Variants in DDR2 observed in about 807,000 individuals in gnomAD.
DDR2 encodes discoidin domain receptor tyrosine kinase 2, also known as discoidin domain-containing receptor 2.
In DDR2, 27 loss-of-function variants were observed where a neutral mutation model predicts 94.9. That is an observed-to-expected ratio of 0.28 (90% confidence interval 0.21 to 0.39). DDR2 has a LOEUF of 0.39. Ranked by LOEUF, DDR2 falls within the 10% of genes least tolerant of loss-of-function variation. The probability of loss-of-function intolerance (pLI) is 1.00; values close to 1 mark genes in which losing one functional copy is unlikely to be tolerated. For synonymous variants in DDR2, 382 were observed against 377.2 expected (o/e 1.01, Z -0.15); for missense variants, 783 against 1,076.0 (o/e 0.73, Z 3.81).
chr1:162,722,727 G>A (rs1661477263), intron 3 of DDR2, among the ~76,000 whole-genome samples: 1 of 152,220 alleles, frequency 6.6e-6, no homozygotes, highest in African/African-American at 2.4e-5. Context: ...GTGTGACAGT[G>A]AGGGAGTTGT....
chr1:162,740,339 T>C (rs1662528467), intron 3 of DDR2, among the ~76,000 whole-genome samples: 3 of 152,336 alleles, frequency 2.0e-5, no homozygotes, highest in South Asian at 2.1e-4. Flanking sequence ...GTTCATTACA[T>C]TGGAAAAGGA....
At chr1:162,722,415 C>CTGCAACAG (rs1360813407) in intron 3 of DDR2, among the ~76,000 whole-genome samples, 1 of 152,184 alleles carries the variant, frequency 6.6e-6, no homozygotes, top group Non-Finnish European at 1.5e-5. Context: ...TATCTTCCAG[C>CTGCAACAG]TGCAACAGTG....
intron 7 of DDR2, among the ~76,000 whole-genome samples, chr1:162,759,547 T>C (rs1447708316): frequency 6.6e-6 from 1 of 152,214 alleles, no homozygotes; most frequent in Non-Finnish European, 1.5e-5. Flanking sequence ...GTTTAAAAGT[T>C]TTACTACTAA....
intron 16 of DDR2, among the ~76,000 whole-genome samples, chr1:162,777,160 G>T (rs962062273): frequency 2.6e-5 from 4 of 151,944 alleles, no homozygotes; most frequent in Admixed American, 2.6e-4. Flanking sequence ...TTATTCCCTT[G>T]CACTCACCAG....
intron 3 of DDR2, among the ~76,000 whole-genome samples, chr1:162,727,802 TA>T (rs986496259): frequency 2.1e-4 from 31 of 148,570 alleles, no homozygotes; most frequent in African/African-American, 6.6e-4. Context: ...CTTAGGCTCA[TA>T]AAAAAACCTC....
chr1:162,754,323 A>G (rs1000067569), intron 4 of DDR2, among the ~76,000 whole-genome samples: 1 of 152,212 alleles, frequency 6.6e-6, no homozygotes, highest in Non-Finnish European at 1.5e-5. Flanking sequence ...TCATGCGGGA[A>G]CAGAGAGTAG....
intron 2 of DDR2, among the ~76,000 whole-genome samples, chr1:162,681,186 C>T (rs1030930049): frequency 3.9e-5 from 6 of 152,110 alleles, no homozygotes; most frequent in East Asian, 1.9e-4. Flanking sequence ...AGCTTGTTAA[C>T]GTGCACTGTA....
chr1:162,687,221 A>G (rs545521155), intron 2 of DDR2, among the ~76,000 whole-genome samples: 6 of 152,298 alleles, frequency 3.9e-5, no homozygotes, highest in African/African-American at 1.4e-4. Context: ...GTGGTAGAAG[A>G]AAGAGGAGGC....
chr1:162,728,696 C>CT (rs758797186), intron 3 of DDR2, among the ~76,000 whole-genome samples: 1 of 152,136 alleles, frequency 6.6e-6, no homozygotes, highest in East Asian at 1.9e-4. Flanking sequence ...ATAATCCTCC[C>CT]TGGGCTCTCT....
intron 2 of DDR2, among the ~76,000 whole-genome samples, chr1:162,658,449 G>A (rs1236045246): frequency 6.6e-6 from 1 of 152,110 alleles, no homozygotes; most frequent in Non-Finnish European, 1.5e-5. Context: ...GGCAAGCTCA[G>A]GATCAGTGTT....
At chr1:162,659,698 G>A (rs183442831) in intron 2 of DDR2, among the ~76,000 whole-genome samples, 30 of 152,226 alleles carry the variant, frequency 2.0e-4, no homozygotes, top group African/African-American at 3.1e-4. Context: ...TGTCCCTCTC[G>A]CTGAGTGTGA....
At chr1:162,779,189 C>A (rs1211130788) in intron 17 of DDR2, among the ~76,000 whole-genome samples, 1 of 152,150 alleles carries the variant, frequency 6.6e-6, no homozygotes, top group Non-Finnish European at 1.5e-5. Flanking sequence ...GCAGATATAT[C>A]CTAAACTTGT....
chr1:162,639,482 G>C (rs1657014872), intron 1 of DDR2, among the ~76,000 whole-genome samples: 1 of 152,096 alleles, frequency 6.6e-6, no homozygotes, highest in African/African-American at 2.4e-5. Context: ...CTTCACAAAA[G>C]CAACTCAAAG....
intron 3 of DDR2, among the ~76,000 whole-genome samples, chr1:162,744,175 C>A (rs1662740631): frequency 6.6e-6 from 1 of 152,116 alleles, no homozygotes; most frequent in South Asian, 2.1e-4. Flanking sequence ...TTTAATGAGA[C>A]CTGCTCTCTG....
In DDR2 at chr1:162,780,216, C is replaced by T. The variant is rs770832677; in HGVS notation, c.2538C>T (p.His846=). Reference sequence around the variant, plus strand: ...ACCGTCCCTCATTCCAAGAAATCCACCTTCTGCTCCTTCAACAAGGCGACG... The same window carrying T: ...ACCGTCCCTCATTCCAAGAAATCCATCTTCTGCTCCTTCAACAAGGCGACG... ...TKNRPSFQEI[H]LLLLQQGDE Residue 846 remains histidine (H), a synonymous_variant, in exon 18 of 18, where the codon CAC becomes CAT. Transcript: ENST00000367921. The T allele has an allele frequency of 1.2e-6, 2 of 1,613,978 alleles. No homozygotes were observed. The highest frequency in any genetic ancestry group is 1.7e-6 in the Non-Finnish European group (2 of 1,179,934).
intron 2 of DDR2, among the ~76,000 whole-genome samples, chr1:162,658,019 C>T (rs1334192894): frequency 1.3e-5 from 2 of 152,134 alleles, no homozygotes; most frequent in Non-Finnish European, 2.9e-5. Context: ...TAAAATGGCT[C>T]TTCCAAAATC....
chr1:162,638,087 CT>C (rs1368256254), intron 1 of DDR2, among the ~76,000 whole-genome samples: 2 of 152,118 alleles, frequency 1.3e-5, no homozygotes, highest in Non-Finnish European at 2.9e-5. Context: ...ATGGTGCGAT[CT>C]TGGCTCACTG....
intron 4 of DDR2, 130 bp from the exon 5 acceptor site, chr1:162,754,494 A>T: frequency 1.1e-6 from 1 of 903,154 alleles, no homozygotes; most frequent in African/African-American, 1.6e-5. Flanking sequence ...AACTGTGGCA[A>T]GAACCCAAAA....
At chr1:162,640,792 T>C (rs985730031) in intron 1 of DDR2, among the ~76,000 whole-genome samples, 3 of 152,162 alleles carry the variant, frequency 2.0e-5, no homozygotes, top group African/African-American at 7.2e-5. Flanking sequence ...GATAAGTAGG[T>C]ATTTTTGTGT....
Sources: allele counts gnomAD v4.1 joint callset (sites outside exome capture counted in the v4.1 genomes callset), GRCh38; gene constraint gnomAD v4.1.1; transcripts MANE v1.5; gene names NCBI Gene and HGNC (gene_info 2026-07-23, HGNC 2026-07-21).